The following ADCY2 variants were observed in gnomAD, a reference collection of about 807,000 sequenced individuals.
ADCY2 encodes adenylate cyclase type 2.
Under a neutral mutation model 125.2 loss-of-function variants are expected in ADCY2, and 31 were observed. That is an observed-to-expected ratio of 0.25 (90% CI 0.19 to 0.33). ADCY2 has a LOEUF of 0.33. Ranked by LOEUF, ADCY2 falls within the 10% of genes least tolerant of loss-of-function variation. The pLI is 1.00. For synonymous variants in ADCY2, 512 were observed against 548.4 expected, an observed-to-expected ratio of 0.93 and a Z score of 0.93; for missense variants, 904 against 1,418.2, an observed-to-expected ratio of 0.64 and a Z score of 5.82.
intron 3 of ADCY2, among the ~76,000 whole-genome samples, chr5:7,598,351 T>C: frequency 6.6e-6 from 1 of 152,196 alleles, no homozygotes; most frequent in East Asian, 1.9e-4. Context: ...AGAGAAAGCC[T>C]GAGTCCCACC....
intron 2 of ADCY2, among the ~76,000 whole-genome samples, chr5:7,512,234 A>G (rs1240524599): frequency 1.8e-5 from 2 of 112,212 alleles, no homozygotes; most frequent in East Asian, 3.9e-4. Flanking sequence ...AAAAAAAAAA[A>G]AAAAAAGAAA....
At position 7,731,246 on chromosome 5, in the gene ADCY2, C is replaced by T. The variant is rs190898260; in HGVS notation, c.1871+3985C>T. Among the ~76,000 whole-genome samples, 1,031 of 149,554 alleles carry T rather than the reference C, an allele frequency of 6.9e-3. 5 individuals carry two copies. The highest frequency in any genetic ancestry group is 0.011 in the Non-Finnish European group (726 of 67,594). ...GCCTATGGAATTTTGTTTTGTTTTC[C>T]TTGCAGATTTTTTTTTTTTTTTTTG... On this transcript the variant is annotated intron_variant, in intron 14 of 24. Transcript: ENST00000338316.
chr5:7,771,197 G>C lies in ADCY2; in HGVS notation c.2215-1735G>C, dbSNP rs117836953. 1.0e-3 allele frequency among the ~76,000 whole-genome samples: 155 copies of C among 152,280 alleles called. 4 individuals are homozygous for C. The East Asian group carries it at 0.027, about 27-fold the overall frequency. On this transcript the variant is annotated intron_variant, in intron 17 of 24. Coordinates refer to ENST00000338316, the MANE Select transcript of ADCY2 (RefSeq NM_020546.3). The stretch of plus-strand genomic sequence containing the variant: ...AGGTCTCCTTTCAAAGAGCATGCTA[G>C]ACCCCTCCTCCCTCTGAGATACTGC...
chr5:7,483,873 C>T (rs1472590138), intron 2 of ADCY2, among the ~76,000 whole-genome samples: 1 of 152,208 alleles, frequency 6.6e-6, no homozygotes, highest in Non-Finnish European at 1.5e-5. Context: ...CTGCAGTTCT[C>T]GCTCTTAAGT....
chr5:7,576,151 G>A (rs952925302), intron 3 of ADCY2, among the ~76,000 whole-genome samples: 7 of 152,158 alleles, frequency 4.6e-5, no homozygotes, highest in Admixed American at 3.3e-4. Context: ...GAGCGGAGCC[G>A]AAAATGTTTT....
At chr5:7,418,730 A>G (rs1048989539) in intron 2 of ADCY2, among the ~76,000 whole-genome samples, 1 of 129,188 alleles carries the variant, frequency 7.7e-6, no homozygotes, top group African/African-American at 3.0e-5. Context: ...ATCTCGGCTC[A>G]CTACAACCTC....
intron 22 of ADCY2, among the ~76,000 whole-genome samples, chr5:7,815,111 G>A (rs1230414049): frequency 1.3e-5 from 2 of 152,122 alleles, no homozygotes; most frequent in Admixed American, 6.5e-5. Context: ...TTGACCTTCC[G>A]CCAAAGCCTA....
chr5:7,407,644 G>C (rs1739550745), intron 1 of ADCY2, among the ~76,000 whole-genome samples: 1 of 152,154 alleles, frequency 6.6e-6, no homozygotes, highest in Non-Finnish European at 1.5e-5. Flanking sequence ...CTGTGTAGCT[G>C]CTGACACTGT....
chr5:7,568,733 A>G (rs1461780841), intron 3 of ADCY2, among the ~76,000 whole-genome samples: 1 of 152,190 alleles, frequency 6.6e-6, no homozygotes, highest in African/African-American at 2.4e-5. Flanking sequence ...ACCTCTCCTC[A>G]CAGCACAGTG....
At chr5:7,570,693 C>G (rs1046680660) in intron 3 of ADCY2, among the ~76,000 whole-genome samples, 8 of 151,262 alleles carry the variant, frequency 5.3e-5, no homozygotes, top group African/African-American at 1.7e-4. Flanking sequence ...TATATTTGAA[C>G]TCCACACTAC....
chr5:7,765,381 AGTTTTTCCAAAAT>A (rs1743346536), intron 16 of ADCY2, among the ~76,000 whole-genome samples: 1 of 152,170 alleles, frequency 6.6e-6, no homozygotes, highest in South Asian at 2.1e-4. Context: ...CATTCGTATA[AGTTTTTCCAAAAT>A]GTTAGCACAT....
At chr5:7,775,184 T>TGC (rs1304016631) in intron 18 of ADCY2, among the ~76,000 whole-genome samples, 1 of 150,482 alleles carries the variant, frequency 6.6e-6, no homozygotes, top group African/African-American at 2.5e-5. Context: ...TTTGTGTGTG[T>TGC]GTGTGTGTGT....
At chr5:7,446,758 A>T (rs1375608214) in intron 2 of ADCY2, among the ~76,000 whole-genome samples, 1 of 152,172 alleles carries the variant, frequency 6.6e-6, no homozygotes, top group South Asian at 2.1e-4. Flanking sequence ...CACAGTATAG[A>T]TACATAGTCT....
At chr5:7,740,967 A>G (rs1742388263) in intron 14 of ADCY2, among the ~76,000 whole-genome samples, 1 of 152,094 alleles carries the variant, frequency 6.6e-6, no homozygotes, top group African/African-American at 2.4e-5. Context: ...TATAGAAAGA[A>G]AGAACAGACC....
intron 4 of ADCY2, among the ~76,000 whole-genome samples, chr5:7,664,161 A>G (rs896360034): frequency 6.6e-6 from 1 of 152,230 alleles, no homozygotes; most frequent in African/African-American, 2.4e-5. Flanking sequence ...TTTCAAAAGA[A>G]TTTGTTTGTA....
intron 2 of ADCY2, among the ~76,000 whole-genome samples, chr5:7,426,340 G>A (rs1307140770): frequency 6.6e-6 from 1 of 152,138 alleles, no homozygotes; most frequent in Non-Finnish European, 1.5e-5. Flanking sequence ...AAATAATAGA[G>A]ATTTATTTCT....
At chr5:7,514,451 A>G (rs1744184105) in intron 2 of ADCY2, among the ~76,000 whole-genome samples, 2 of 152,190 alleles carry the variant, frequency 1.3e-5, no homozygotes, top group African/African-American at 4.8e-5. Flanking sequence ...TTCATGTCTG[A>G]CTCAGGAATG....
intron 14 of ADCY2, among the ~76,000 whole-genome samples, chr5:7,729,872 T>C (rs933144764): frequency 1.5e-4 from 22 of 149,688 alleles, no homozygotes; most frequent in Middle Eastern, 3.6e-3. Flanking sequence ...TATATTTACA[T>C]GTTTTTAATG....
At chr5:7,484,465 G>C (rs1742851709) in intron 2 of ADCY2, among the ~76,000 whole-genome samples, 1 of 152,192 alleles carries the variant, frequency 6.6e-6, no homozygotes, top group African/African-American at 2.4e-5. Flanking sequence ...GCTGCAGAGA[G>C]ACCCAAGCTC....
Sources: allele counts gnomAD v4.1 joint callset (sites outside exome capture counted in the v4.1 genomes callset), GRCh38; gene constraint gnomAD v4.1.1; transcripts MANE v1.5; gene names NCBI Gene and HGNC (gene_info 2026-07-23, HGNC 2026-07-21).